The following GRHL1 variants were observed in gnomAD, a reference collection of about 807,000 sequenced individuals.
GRHL1 encodes the protein grainyhead-like protein 1 homolog.
A neutral mutation model predicts 75.7 loss-of-function variants in GRHL1; 38 were observed. The ratio of observed to expected loss-of-function variants is 0.50; its 90% confidence interval spans 0.39 to 0.66. The LOEUF is 0.66. GRHL1 is among the 30% of genes least tolerant of loss of function. The pLI is 0.00. For synonymous variants in GRHL1, 266 were observed against 279.4 expected (o/e 0.95, Z 0.48); for missense variants, 589 against 767.5 (o/e 0.77, Z 2.75).
At chr2:9,953,204 G>A (rs968437505) in intron 1 of GRHL1, 1 of 398,288 alleles carries the variant, frequency 2.5e-6, no homozygotes, top group African/African-American at 2.1e-5. Flanking sequence ...GTTTTCTATT[G>A]CTTGTACAAA....
At chr2:9,952,263 T>A (rs1490822122) in intron 1 of GRHL1, among the ~76,000 whole-genome samples, 1 of 152,094 alleles carries the variant, frequency 6.6e-6, no homozygotes, top group Non-Finnish European at 1.5e-5. Flanking sequence ...CTGGTGGGGC[T>A]CGCGCCGCGT....
intron 13 of GRHL1, 64 bp from the exon 14 acceptor site, chr2:9,996,252 A>T (rs1668856094): frequency 8.5e-7 from 1 of 1,183,424 alleles, no homozygotes; most frequent in South Asian, 1.2e-5. Context: ...TCTTTTGCTC[A>T]TGTGAACTGT....
At position 10,000,671 on chromosome 2, in the gene GRHL1, C is replaced by T. The variant is rs764591959; in HGVS notation, c.1821C>T (p.Ala607=). ...EDTFQLQIEE[A]GGSYKLTLTE... Reference sequence around the variant, plus strand: ...CCTTCCAGCTGCAGATTGAAGAAGCCGGGGGGTCTTACAAGCTCACCCTGA... The same window carrying T: ...CCTTCCAGCTGCAGATTGAAGAAGCTGGGGGGTCTTACAAGCTCACCCTGA... Residue 607 remains alanine, a synonymous_variant, in exon 16 of 16, where the codon GCC becomes GCT. Transcript: ENST00000324907. 6.2e-6 allele frequency: 10 copies of T among 1,611,154 alleles called. No homozygotes were observed. Among genetic ancestry groups the T allele is most frequent in the African/African-American group, 2.7e-5 (2 of 74,830 alleles).
chr2:9,986,286 A>G lies in GRHL1; in HGVS notation c.1269+4A>G. ...GATCAAGGTCTTCTGTGACAAGGTAAGATCGGCAGGGATGCTTGGAACAAG... is the reference window on the plus strand; with the variant it reads ...GATCAAGGTCTTCTGTGACAAGGTAGGATCGGCAGGGATGCTTGGAACAAG... On this transcript the variant is annotated splice_donor_region_variant and intron_variant, in intron 9 of 15. Coordinates refer to ENST00000324907, the MANE Select transcript of GRHL1 (RefSeq NM_198182.3). The G allele has an allele frequency of 6.2e-7, 1 of 1,611,460 alleles. No homozygotes were observed. The highest frequency in any genetic ancestry group is 8.5e-7 in the Non-Finnish European group (1 of 1,178,762).
intron 3 of GRHL1, 29 bp from the exon 4 acceptor site, chr2:9,961,017 C>T (rs553000968): frequency 2.3e-5 from 34 of 1,505,332 alleles, no homozygotes; most frequent in African/African-American, 5.6e-5. Context: ...ATCAGCATCG[C>T]GTTTGAAAGC....
At chr2:9,959,014 T>A (rs1667156455) in intron 3 of GRHL1, 158 bp downstream of exon 3, 2 of 1,162,366 alleles carry the variant, frequency 1.7e-6, no homozygotes, top group African/African-American at 3.1e-5. Flanking sequence ...CTGATTTGCC[T>A]CTGTTGCTCT....
chr2:9,975,398 C>T (rs1448860929), intron 8 of GRHL1, among the ~76,000 whole-genome samples: 1 of 152,168 alleles, frequency 6.6e-6, no homozygotes, highest in Non-Finnish European at 1.5e-5. Flanking sequence ...CTGGCACTTA[C>T]CTTGTATATC....
At chr2:9,962,355 G>GT in intron 4 of GRHL1, 100 bp from the exon 5 acceptor site, 1 of 694,362 alleles carries the variant, frequency 1.4e-6, no homozygotes, top group Non-Finnish European at 2.7e-6. Context: ...AGGATAGTGG[G>GT]TTGCTGTAAG....
At chr2:9,953,716 C>T (rs112118012) in intron 1 of GRHL1, among the ~76,000 whole-genome samples, 3,063 of 151,976 alleles carry the variant, frequency 0.02, 42 homozygotes, top group Non-Finnish European at 0.025. Context: ...GACTCCCAAA[C>T]GCTAACCTTT....
rs756485283 is a variant in GRHL1, at chr2:9,954,939, G to T, written c.45G>T (p.Gln15His). The T allele has an allele frequency of 6.2e-7, 1 of 1,613,594 alleles. No individual in the cohort carries two copies. Among genetic ancestry groups the T allele is most frequent in the South Asian group, 1.1e-5 (1 of 91,060 alleles). The change falls in exon 2 of 16, where the codon CAG becomes CAT. Residue 15 changes from glutamine (Q) to histidine (H), a missense_variant. Physicochemically the swap from Gln to His is conservative, Grantham distance 24. Around this residue, in one of 5 missense-constraint regions of GRHL1, gnomAD observed 362 missense variants for 461.8 expected, o/e 0.78. Transcript: ENST00000324907. The part of the protein sequence containing the change: ...YDNKRPVLVL[Q>H]NEALYPQRRS... ...GCAAACGGCCAGTGTTGGTTCTTCA[G>T]AATGAAGCACTTTATCCACAGCGGC... is the stretch of plus-strand genomic sequence containing the variant.
In GRHL1 at chr2:9,963,938, G is replaced by C; in HGVS notation, c.799G>C (p.Gly267Arg). 6.2e-7 allele frequency: 1 copy of C among 1,613,798 alleles called. No individual in the cohort carries two copies. Among genetic ancestry groups the C allele is most frequent in the Non-Finnish European group, 8.5e-7 (1 of 1,179,718 alleles). Residue 267 changes from glycine (G) to arginine (R), a missense_variant, in exon 6 of 16, where the codon GGA (glycine) becomes CGA (arginine). Physicochemically the swap from Gly to Arg is moderately radical, Grantham distance 125 (BLOSUM62 -2). Around this residue, in one of 5 missense-constraint regions of GRHL1, gnomAD observed 362 missense variants for 461.8 expected, o/e 0.78. Coordinates refer to ENST00000324907, the MANE Select transcript of GRHL1 (RefSeq NM_198182.3). The stretch of plus-strand genomic sequence containing the variant: ...TTCAAAATCACTTCGACAGAAGCCA[G>C]GAGACAGTACCATGACGTACCTGAA... ...EASKSLRQKP[G>R]DSTMTYLNKG...
At position 9,990,872 on chromosome 2, in the gene GRHL1, C is replaced by T. The variant is rs951961559; in HGVS notation, c.1321+125C>T. On this transcript the variant is annotated intron_variant, in intron 10 of 15. Coordinates refer to ENST00000324907, the MANE Select transcript of GRHL1 (RefSeq NM_198182.3). This position sits in a 1 kb window ranked among gnomAD's most constrained non-coding sequence, Gnocchi z 4.2. ...CACGCAGAAGACAGTGGGTGTTCTT[C>T]CTGTTCTGCAGTGTGGCACTGCCTC... 1 of 717,698 alleles carries T rather than the reference C, an allele frequency of 1.4e-6. No individual in the cohort carries two copies. Among genetic ancestry groups the T allele is most frequent in the Admixed American group, 2.5e-5 (1 of 40,360 alleles). 44.5% of individuals were successfully genotyped at this position (717,698 alleles called of 1,614,324 possible).
Position 9,995,912 on chromosome 2 carries a change from A to T in GRHL1, c.1533A>T (p.Glu511Asp). ...TGAAAAGGGGGCCGTACGGCACAGAAGATGACTTTGCTGTCCCTCCTTCTA... is the reference window on the plus strand; with the variant it reads ...TGAAAAGGGGGCCGTACGGCACAGATGATGACTTTGCTGTCCCTCCTTCTA... ...SVLKRGPYGT[E>D]DDFAVPPSTK... is the part of the protein sequence containing the mutation. Residue 511 changes from glutamate to aspartate, a missense_variant, in exon 13 of 16, where the codon GAA (glutamate) becomes GAT (aspartate). Glu to Asp is a conservative substitution (Grantham distance 45). This residue lies in a region of GRHL1 where 192 missense variants were observed against 226.6 expected (regional missense o/e 0.85). Transcript: ENST00000324907. 2 of 1,613,222 alleles carry T rather than the reference A, an allele frequency of 1.2e-6. No homozygotes were observed. Among genetic ancestry groups the T allele is most frequent in the Non-Finnish European group, 1.7e-6 (2 of 1,179,094 alleles).
intron 7 of GRHL1, 94 bp from the exon 8 acceptor site, chr2:9,965,193 A>G (rs1667438176): frequency 5.8e-6 from 4 of 691,284 alleles, no homozygotes; most frequent in Non-Finnish European, 7.9e-6. Flanking sequence ...AGAGGTGATA[A>G]TGCTAAAAAC....
At chr2:9,953,820 G>C (rs994811807) in intron 1 of GRHL1, among the ~76,000 whole-genome samples, 2 of 152,166 alleles carry the variant, frequency 1.3e-5, no homozygotes, top group African/African-American at 4.8e-5. Flanking sequence ...TTTGTGTGTT[G>C]CAATGAGAGC....
intron 14 of GRHL1, among the ~76,000 whole-genome samples, chr2:9,996,894 C>T (rs940344813): frequency 2.0e-5 from 3 of 152,122 alleles, no homozygotes; most frequent in Admixed American, 6.5e-5. Context: ...GATCTCAGCA[C>T]GAGGCTGGAA....
At position 9,962,442 on chromosome 2, in the gene GRHL1, A is replaced by T; in HGVS notation, c.670-13A>T. On this transcript the variant is annotated splice_polypyrimidine_tract_variant and intron_variant, in intron 4 of 15. Transcript: ENST00000324907. ...CAGTTAAATAGTTGTGGCTTATCAC[A>T]TTGATATTTCAGGTTTTCTTCCCCT... 1.3e-6 allele frequency: 2 copies of T among 1,503,536 alleles called. No homozygotes were observed. Among genetic ancestry groups the T allele is most frequent in the Non-Finnish European group, 1.9e-6 (2 of 1,079,070 alleles). The allele number at this position is 1,503,536 out of a possible 1,614,324, so 93.1% of individuals were successfully genotyped here.
chr2:9,977,577 C>T (rs1222084936), intron 8 of GRHL1, among the ~76,000 whole-genome samples: 1 of 152,244 alleles, frequency 6.6e-6, no homozygotes, highest in Non-Finnish European at 1.5e-5. Context: ...CCGCCTCGGC[C>T]TCCCAAAGTG....
At chr2:9,952,418 T>TG (rs1302377030) in intron 1 of GRHL1, among the ~76,000 whole-genome samples, 1 of 152,174 alleles carries the variant, frequency 6.6e-6, no homozygotes, top group Non-Finnish European at 1.5e-5. Flanking sequence ...GCGGCATGAG[T>TG]GGGAAAACGG....
Sources: gnomAD v4.1 joint callset for allele counts (sites outside exome capture counted in the v4.1 genomes callset) on GRCh38, gnomAD v4.1.1 for gene constraint, gnomAD v4.1.1 regional missense constraint, Gnocchi (gnomAD v3.1) non-coding constraint, MANE v1.5 for transcripts, NCBI Gene and HGNC (gene_info 2026-07-23, HGNC 2026-07-21) for gene names.